KHSRP: variants seen among roughly 807,000 people sequenced by gnomAD.
KHSRP encodes the protein far upstream element-binding protein 2.
Under a neutral mutation model 94.9 loss-of-function variants are expected in KHSRP, and 13 were observed. The ratio of observed to expected loss-of-function variants is 0.14; its 90% CI spans 0.09 to 0.22. The LOEUF (loss-of-function observed/expected upper bound fraction) is 0.22. Among genes scored for constraint, KHSRP ranks in the 10% least tolerant of loss-of-function variants. The pLI, the probability that KHSRP is intolerant of heterozygous loss-of-function variation, is 1.00. For missense variants in KHSRP, 710 were observed against 1,010.0 expected (o/e 0.70, Z 4.03); for synonymous variants, 495 against 401.4 (o/e 1.23, Z -2.79).
In KHSRP at chr19:6,421,271, G is replaced by A. The variant is rs759692223; in HGVS notation, c.425+7C>T. The A allele has an allele frequency of 8.7e-5, 138 of 1,583,726 alleles. 4 individuals are homozygous for A. In the South Asian group the frequency reaches 1.6e-3, roughly 18 times the overall value. The stretch of plus-strand genomic sequence containing the variant: ...AAGAAAGCAGTGTGGGCCCCACCAT[G>A]GCTTACCTTGGGGGAGGATGGATGG... On this transcript the variant is annotated splice_region_variant and intron_variant, in intron 4 of 18. Coordinates refer to ENST00000600480, the MANE Select transcript of KHSRP (RefSeq NM_001366299.1).
At position 6,414,315 on chromosome 19, in the gene KHSRP, G is replaced by T; in HGVS notation, c.*709C>A. On this transcript the variant is annotated 3_prime_UTR_variant, in exon 19 of 19. Coordinates refer to ENST00000600480, the MANE Select transcript of KHSRP (RefSeq NM_001366299.1). The stretch of plus-strand genomic sequence containing the variant: ...TGCTCGCGGGACTCGCTGAAGTCAC[G>T]CTGCTCCCTGATGGAGAAGGAGGGA... 1 of 1,397,710 alleles carries T rather than the reference G, an allele frequency of 7.2e-7. No homozygotes were observed. Among genetic ancestry groups the T allele is most frequent in the Non-Finnish European group, 9.3e-7 (1 of 1,069,736 alleles). 86.6% of individuals were successfully genotyped at this position (1,397,710 alleles called of 1,614,324 possible).
chr19:6,420,790 G>A (rs982475307), intron 4 of KHSRP, among the ~76,000 whole-genome samples: 6 of 152,196 alleles, frequency 3.9e-5, no homozygotes, highest in African/African-American at 1.4e-4. Flanking sequence ...AGTATTTTAT[G>A]AAACTACTGG....
chr19:6,414,587 C>T lies in KHSRP; in HGVS notation c.*437G>A. On this transcript the variant is annotated 3_prime_UTR_variant, in exon 19 of 19. Transcript: ENST00000600480. ...GCATGGGAGGCTGAGCCCGGCGGGG[C>T]AGGGGCCTGGGCCGCTCCCCGCGTC... 9.8e-7 allele frequency: 1 copy of T among 1,016,032 alleles called. No homozygotes were observed. The highest frequency in any genetic ancestry group is 4.3e-5 in the South Asian group (1 of 23,046). The allele number at this position is 1,016,032 out of a possible 1,614,324, so 62.9% of individuals were successfully genotyped here. A position where few individuals can be genotyped will look rare whatever the true frequency, so the allele number is the denominator to read the frequency against.
intron 1 of KHSRP, among the ~76,000 whole-genome samples, chr19:6,423,527 C>G (rs1727790431): frequency 6.6e-6 from 1 of 152,236 alleles, no homozygotes; most frequent in African/African-American, 2.4e-5. Flanking sequence ...AGCTTCCTCC[C>G]TTCAAGCTGT....
chr19:6,416,532 C>T lies in KHSRP; in HGVS notation c.1446G>A (p.Gln482=), dbSNP rs372740395. The T allele has an allele frequency of 8.7e-6, 14 of 1,613,670 alleles. No individual in the cohort carries two copies. The highest frequency in any genetic ancestry group is 2.2e-5 in the East Asian group (1 of 44,894). Residue 482 remains glutamine (Q), a synonymous_variant, in exon 14 of 19, where the codon CAG becomes CAA. Transcript: ENST00000600480. ...TAAGCTGCTTGGCGTGGTCAATCTG[C>T]TGGGGTGAACCCCGGATGATGAACA... ...FKLFIIRGSP[Q]QIDHAKQLIE... is the part of the protein sequence containing the mutation.
intron 5 of KHSRP, 41 bp from the exon 6 acceptor site, chr19:6,420,185 G>T (rs777554985): frequency 1.9e-6 from 3 of 1,557,360 alleles, no homozygotes; most frequent in Non-Finnish European, 2.6e-6. Context: ...CGTGATGAGG[G>T]AAGGGAGCCC....
At chr19:6,420,375 C>T in intron 5 of KHSRP, 47 bp downstream of exon 5, 1 of 1,591,318 alleles carries the variant, frequency 6.3e-7, no homozygotes, top group South Asian at 1.1e-5. Context: ...AGGACACTTC[C>T]TCCTGGGGAA....
chr19:6,418,968 CCA>C lies in KHSRP; in HGVS notation c.606-94_606-93del. On this transcript the variant is annotated intron_variant, in intron 7 of 18. Coordinates refer to ENST00000600480, the MANE Select transcript of KHSRP (RefSeq NM_001366299.1). The surrounding 1 kb of genome is among the most constrained non-coding windows in gnomAD (Gnocchi z 4.3). ...CACCCAGCTCAAAGGGAAGGCGACCCCAGAGTGTGCAAGGATGACAGGGAAGA... is the reference window on the plus strand; with the variant it reads ...CACCCAGCTCAAAGGGAAGGCGACCCGAGTGTGCAAGGATGACAGGGAAGA... 1 of 1,333,662 alleles carries C rather than the reference CCA, an allele frequency of 7.5e-7. No individual in the cohort carries two copies. The highest frequency in any genetic ancestry group is 2.5e-5 in the East Asian group (1 of 39,910). 82.6% of individuals were successfully genotyped at this position (1,333,662 alleles called of 1,614,324 possible).
rs1268144418 is a variant in KHSRP, at chr19:6,418,676, G to A, written c.780+26C>T. ...GTGGGGTGTGGCACACGGATGCAGA[G>A]GAAGCTGCCCAGGTGCTGCCCTCAC... On this transcript the variant is annotated intron_variant, in intron 8 of 18. Coordinates refer to ENST00000600480, the MANE Select transcript of KHSRP (RefSeq NM_001366299.1). This position sits in a 1 kb window ranked among gnomAD's most constrained non-coding sequence, Gnocchi z 4.3. 1.9e-6 allele frequency: 3 copies of A among 1,613,734 alleles called. No individual in the cohort carries two copies. The highest frequency in any genetic ancestry group is 2.7e-5 in the African/African-American group (2 of 74,944).
At chr19:6,421,390 C>G in intron 3 of KHSRP, 73 bp from the exon 4 acceptor site, 2 of 1,482,184 alleles carry the variant, frequency 1.3e-6, no homozygotes, top group Non-Finnish European at 1.8e-6. Flanking sequence ...TGCCCCGGGT[C>G]AGTGGGAGCT....
In KHSRP at chr19:6,414,405, C is replaced by T. The variant is rs908268627; in HGVS notation, c.*619G>A. 2 of 1,288,484 alleles carry T rather than the reference C, an allele frequency of 1.6e-6. No homozygotes were observed. Among genetic ancestry groups the T allele is most frequent in the African/African-American group, 1.5e-5 (1 of 66,248 alleles). The allele number at this position is 1,288,484 out of a possible 1,614,324, so 79.8% of individuals were successfully genotyped here. On this transcript the variant is annotated 3_prime_UTR_variant, in exon 19 of 19. Transcript: ENST00000600480. ...GCGCTAGGGTCGTAGGGGAGCTGCCCTGTCTCCGGAGGGCGGTGGCTCCCG... is the reference window on the plus strand; with the variant it reads ...GCGCTAGGGTCGTAGGGGAGCTGCCTTGTCTCCGGAGGGCGGTGGCTCCCG...
chr19:6,421,396 G>T, intron 3 of KHSRP, 79 bp from the exon 4 acceptor site: 2 of 1,443,662 alleles, frequency 1.4e-6, no homozygotes, highest in Non-Finnish European at 1.9e-6. Flanking sequence ...GGGTCAGTGG[G>T]AGCTGAGCCC....
chr19:6,421,817 G>A (rs2092196608), intron 2 of KHSRP, 129 bp from the exon 3 acceptor site: 3 of 1,035,338 alleles, frequency 2.9e-6, no homozygotes, highest in Non-Finnish European at 4.4e-6. Flanking sequence ...GCTGAGACAG[G>A]AGCCCAGGAG....
In KHSRP at chr19:6,420,499, C is replaced by A. The variant is rs375431523; in HGVS notation, c.426-28G>T. 4 of 1,610,864 alleles carry A rather than the reference C, an allele frequency of 2.5e-6. No individual in the cohort carries two copies. The East Asian group carries it at 8.9e-5, about 36-fold the overall frequency. The stretch of plus-strand genomic sequence containing the variant: ...GTAAAGAGACACGCCAAAGGTCAGT[C>A]CTCAAGTGGGAAGGGAGGAGGACAG... On this transcript the variant is annotated intron_variant, in intron 4 of 18. Coordinates refer to ENST00000600480, the MANE Select transcript of KHSRP (RefSeq NM_001366299.1).
At position 6,415,553 on chromosome 19, in the gene KHSRP, T is replaced by C; in HGVS notation, c.1869A>G (p.Glu623=). 1 of 1,534,296 alleles carries C rather than the reference T, an allele frequency of 6.5e-7. No individual in the cohort carries two copies. Among genetic ancestry groups the C allele is most frequent in the Non-Finnish European group, 8.8e-7 (1 of 1,139,202 alleles). ...TGQSDYTKAW[E]EYYKKIGQQP... ...ACTCACCGATCTTTTTGTAATACTC[T>C]TCCCAGGCCTTAGTGTAGTCCGACT... The change falls in exon 17 of 19, where the codon GAA becomes GAG. Residue 623 remains glutamate, a synonymous_variant. Coordinates refer to ENST00000600480, the MANE Select transcript of KHSRP (RefSeq NM_001366299.1).
intron 11 of KHSRP, 75 bp downstream of exon 11, chr19:6,417,664 C>T (rs1395193920): frequency 7.6e-7 from 1 of 1,309,806 alleles, no homozygotes; most frequent in East Asian, 2.4e-5. Flanking sequence ...ACCACGGTGC[C>T]CAGCTCCCTC....
Position 6,419,487 on chromosome 19 carries a change from G to C in KHSRP, c.548-227C>G, listed in dbSNP as rs151081244. Among the ~76,000 whole-genome samples, 361 of 152,312 alleles carry C rather than the reference G, an allele frequency of 2.4e-3. 4 individuals are homozygous for C. Among genetic ancestry groups the C allele is most frequent in the African/African-American group, 8.3e-3 (343 of 41,564 alleles). ...GGACTTTAAGGGAAAAGGATGAGGT[G>C]GAGGGAGTTGCAGATTCCAGAAGGT... On this transcript the variant is annotated intron_variant, in intron 6 of 18. Coordinates refer to ENST00000600480, the MANE Select transcript of KHSRP (RefSeq NM_001366299.1).
rs1386863634 is a variant in KHSRP, at chr19:6,414,480, AC to A, written c.*543del. On this transcript the variant is annotated 3_prime_UTR_variant, in exon 19 of 19. Coordinates refer to ENST00000600480, the MANE Select transcript of KHSRP (RefSeq NM_001366299.1). ...CCAGAGATCATGGTGTCCCCACAACACCCCTGTGAGGTAGGTTGGAAGGTGG... is the reference window on the plus strand; with the variant it reads ...CCAGAGATCATGGTGTCCCCACAACACCCTGTGAGGTAGGTTGGAAGGTGG... 157 of 1,101,154 alleles carry A rather than the reference AC, an allele frequency of 1.4e-4. No homozygotes were observed. The highest frequency in any genetic ancestry group is 1.7e-4 in the Non-Finnish European group (150 of 904,236). 68.2% of individuals were successfully genotyped at this position (1,101,154 alleles called of 1,614,324 possible).
chr19:6,419,926 T>A, intron 6 of KHSRP, 147 bp downstream of exon 6: 2 of 659,724 alleles, frequency 3.0e-6, no homozygotes, highest in Admixed American at 2.5e-5. Flanking sequence ...TGGAGTGAGA[T>A]ACTGCACTGA....
Sources: allele counts gnomAD v4.1 joint callset (sites outside exome capture counted in the v4.1 genomes callset), GRCh38; gene constraint gnomAD v4.1.1; non-coding constraint Gnocchi (gnomAD v3.1); transcripts MANE v1.5; gene names NCBI Gene and HGNC (gene_info 2026-07-23, HGNC 2026-07-21).